ADAM12: variants seen among roughly 807,000 people sequenced by gnomAD.
ADAM12 encodes disintegrin and metalloproteinase domain-containing protein 12.
Under a neutral mutation model 106.4 loss-of-function variants are expected in ADAM12, and 70 were observed. The observed-to-expected ratio is 0.66, with a 90% CI of 0.54 to 0.80. ADAM12 has a LOEUF of 0.80. Ranked by LOEUF, ADAM12 falls within the 30% of genes least tolerant of loss-of-function variation. The probability of loss-of-function intolerance (pLI) is 0.00; values close to 1 mark genes in which losing one functional copy is unlikely to be tolerated. For missense variants in ADAM12, 1,010 were observed against 1,171.9 expected (o/e 0.86, Z 2.02); for synonymous variants, 420 against 433.5 (o/e 0.97, Z 0.39).
At chr10:126,128,687 T>C (rs904274973) in intron 5 of ADAM12, among the ~76,000 whole-genome samples, 21 of 137,886 alleles carry the variant, frequency 1.5e-4, no homozygotes, top group African/African-American at 6.1e-4. Flanking sequence ...GAGTGTGTGG[T>C]GTGTGTGTGG....
intron 3 of ADAM12, among the ~76,000 whole-genome samples, chr10:126,271,940 T>C (rs1959179253): frequency 6.6e-6 from 1 of 152,230 alleles, no homozygotes; most frequent in African/African-American, 2.4e-5. Flanking sequence ...AAAGACCTTC[T>C]AGAATCTGAG....
At chr10:126,085,778 C>T (rs1047894193) in intron 11 of ADAM12, among the ~76,000 whole-genome samples, 4 of 152,322 alleles carry the variant, frequency 2.6e-5, no homozygotes, top group South Asian at 2.1e-4. Flanking sequence ...TCCAGCCACC[C>T]GCTCATGGAT....
rs201266150 is a variant in ADAM12 at position 126,064,767 on chromosome 10, A to G, written c.1609+39T>C. On this transcript the variant is annotated intron_variant, in intron 14 of 22. Coordinates refer to ENST00000448723, the MANE Select transcript of ADAM12 (RefSeq NM_001288973.2). This position sits in a 1 kb window ranked among gnomAD's most constrained non-coding sequence, Gnocchi z 4.4. ...CCCAGTCCCACAGCCCAGGTCTGCC[A>G]GTGCCTCTCCTGATGCCGAGCTTGT... The G allele has an allele frequency of 4.2e-5, 65 of 1,559,728 alleles. No homozygotes were observed. The East Asian group carries it at 8.9e-4, about 21-fold the overall frequency.
Position 126,135,598 on chromosome 10 carries a change from C to T in ADAM12, c.402G>A (p.Thr134=), listed in dbSNP as rs12098586. Residue 134 remains threonine (T), a synonymous_variant, in exon 5 of 23, where the codon ACG becomes ACA. Coordinates refer to ENST00000448723, the MANE Select transcript of ADAM12 (RefSeq NM_001288973.2). The stretch of plus-strand genomic sequence containing the variant: ...TGGCCACTTACCTGAGACCAGAACA[C>T]GTGCTGAGACTGACTGCTGAATCAG... ...GYSDSAVSLS[T]CSGLRGLIVF... 8.5e-3 allele frequency: 13,758 copies of T among 1,614,120 alleles called. 622 individuals are homozygous for T. The African/African-American group carries it at 0.12, about 14-fold the overall frequency.
chr10:126,297,262 A>G (rs1411428049), intron 2 of ADAM12, among the ~76,000 whole-genome samples: 1 of 152,208 alleles, frequency 6.6e-6, no homozygotes, highest in Non-Finnish European at 1.5e-5. Context: ...GCAATGGTTA[A>G]AAATGAAAAA....
intron 14 of ADAM12, among the ~76,000 whole-genome samples, chr10:126,054,148 AGAGAAAGT>A (rs1954575360): frequency 6.6e-6 from 1 of 152,212 alleles, no homozygotes; most frequent in African/African-American, 2.4e-5. Context: ...ACTTTTTAAT[AGAGAAAGT>A]GAGCACTTTC....
intron 9 of ADAM12, among the ~76,000 whole-genome samples, chr10:126,099,083 C>T (rs1955610438): frequency 6.6e-6 from 1 of 152,206 alleles, no homozygotes; most frequent in Non-Finnish European, 1.5e-5. Flanking sequence ...TGGAAGGGGA[C>T]TTCATGGCTT....
At chr10:126,119,262 G>GT (rs972666542) in intron 5 of ADAM12, among the ~76,000 whole-genome samples, 2 of 152,120 alleles carry the variant, frequency 1.3e-5, no homozygotes, top group African/African-American at 4.8e-5. Context: ...TTGAGTTCCA[G>GT]TTTTTTACTT....
At chr10:126,194,903 A>G (rs1175443350) in intron 3 of ADAM12, among the ~76,000 whole-genome samples, 1 of 152,242 alleles carries the variant, frequency 6.6e-6, no homozygotes, top group East Asian at 1.9e-4. Flanking sequence ...GTGGCCCCCA[A>G]AATTCTGCTG....
chr10:126,281,856 C>T (rs577675177), intron 2 of ADAM12, among the ~76,000 whole-genome samples: 2 of 152,294 alleles, frequency 1.3e-5, no homozygotes, highest in African/African-American at 4.8e-5. Context: ...GCAGTAATTG[C>T]TGCTCTATTA....
chr10:126,064,723 C>G lies in ADAM12; in HGVS notation c.1609+83G>C, dbSNP rs1954828611. 2.1e-6 allele frequency: 3 copies of G among 1,439,658 alleles called. No homozygotes were observed. The highest frequency in any genetic ancestry group is 4.1e-5 in the Admixed American group (2 of 48,740). The allele number at this position is 1,439,658 out of a possible 1,614,324, so 89.2% of individuals were successfully genotyped here. Reference sequence around the variant, plus strand: ...AGCGCCCGCCAGGAGTGGGGGCTAACCAAAACAGAGCACATGCCCCCAGTC... The same window carrying G: ...AGCGCCCGCCAGGAGTGGGGGCTAAGCAAAACAGAGCACATGCCCCCAGTC... On this transcript the variant is annotated intron_variant, in intron 14 of 22. Transcript: ENST00000448723. This position sits in a 1 kb window ranked among gnomAD's most constrained non-coding sequence, Gnocchi z 4.4.
At chr10:126,176,553 T>C (rs999308431) in intron 3 of ADAM12, among the ~76,000 whole-genome samples, 3 of 152,250 alleles carry the variant, frequency 2.0e-5, no homozygotes, top group African/African-American at 7.2e-5. Flanking sequence ...GGGCATAGTC[T>C]ATCTTGTGCT....
At chr10:126,176,176 G>T (rs1237690945) in intron 3 of ADAM12, among the ~76,000 whole-genome samples, 1 of 152,222 alleles carries the variant, frequency 6.6e-6, no homozygotes, top group African/African-American at 2.4e-5. Flanking sequence ...CATAACAACT[G>T]CAGAACGATC....
chr10:126,334,761 T>G (rs1854637932), intron 1 of ADAM12, among the ~76,000 whole-genome samples: 1 of 152,100 alleles, frequency 6.6e-6, no homozygotes, highest in African/African-American at 2.4e-5. Flanking sequence ...CAGGAAAGGC[T>G]ATAACCAAGT....
At chr10:126,275,642 T>A (rs1959222375) in intron 3 of ADAM12, among the ~76,000 whole-genome samples, 1 of 152,192 alleles carries the variant, frequency 6.6e-6, no homozygotes, top group South Asian at 2.1e-4. Context: ...TCTGGATATT[T>A]AAAGACCCAA....
chr10:126,163,677 C>T (rs1161854607), intron 3 of ADAM12, among the ~76,000 whole-genome samples: 2 of 152,150 alleles, frequency 1.3e-5, no homozygotes, highest in Non-Finnish European at 2.9e-5. Flanking sequence ...AAGAAACCCC[C>T]CGGCCCCAGA....
intron 2 of ADAM12, among the ~76,000 whole-genome samples, chr10:126,292,288 T>C (rs77582100): frequency 0.036 from 5,548 of 152,226 alleles, 131 homozygotes; most frequent in Admixed American, 0.082. Context: ...TCCTTTTGGC[T>C]CCCATTGGTA....
intron 10 of ADAM12, among the ~76,000 whole-genome samples, chr10:126,095,063 T>C (rs1478188112): frequency 6.6e-6 from 1 of 152,178 alleles, no homozygotes; most frequent in Non-Finnish European, 1.5e-5. Context: ...CTGTATACCA[T>C]GGAGTAAGGA....
In ADAM12 at chr10:126,049,779, CCA is replaced by C. The variant is rs1954428873; in HGVS notation, c.1610-112_1610-111del. On this transcript the variant is annotated intron_variant, in intron 14 of 22. Transcript: ENST00000448723. The surrounding 1 kb of genome is among the most constrained non-coding windows in gnomAD (Gnocchi z 4.4). ...GGAGACGTGCTCAAAGCAATCACACCCAGTGTCTGTCCCGACTCATGGTGGGA... is the reference window on the plus strand; with the variant it reads ...GGAGACGTGCTCAAAGCAATCACACCGTGTCTGTCCCGACTCATGGTGGGA... The C allele has an allele frequency of 1.0e-6, 1 of 963,568 alleles. No individual in the cohort carries two copies. The highest frequency in any genetic ancestry group is 1.6e-5 in the African/African-American group (1 of 60,722). The allele number at this position is 963,568 out of a possible 1,614,324, so 59.7% of individuals were successfully genotyped here.
Sources: allele counts gnomAD v4.1 joint callset (sites outside exome capture counted in the v4.1 genomes callset), GRCh38; gene constraint gnomAD v4.1.1; non-coding constraint Gnocchi (gnomAD v3.1); transcripts MANE v1.5; gene names NCBI Gene and HGNC (gene_info 2026-07-23, HGNC 2026-07-21).